The following KIF7 variants were observed in gnomAD, a reference collection of about 807,000 sequenced individuals.
KIF7 encodes kinesin family member 7, also known as kinesin-like protein KIF7.
In KIF7, 104 loss-of-function variants were observed where a neutral mutation model predicts 135.7. The ratio of observed to expected loss-of-function variants is 0.77; its 90% CI spans 0.65 to 0.90. The LOEUF is 0.90. Ranked by LOEUF, KIF7 falls within the 40% of genes least tolerant of loss-of-function variation. The pLI is 0.00. For missense variants in KIF7, 2,005 were observed against 1,839.1 expected (o/e 1.09, Z -1.65); for synonymous variants, 883 against 809.4 (o/e 1.09, Z -1.54).
upstream of KIF7, among the ~76,000 whole-genome samples, chr15:89,657,406 C>A (rs1329660783): frequency 6.6e-6 from 1 of 150,612 alleles, no homozygotes; most frequent in East Asian, 1.9e-4. Flanking sequence ...TTTCATGTTA[C>A]AATAAATTTT....
rs752463302 is a variant in KIF7, at chr15:89,629,098, TCTG to T, written c.3539_3541del (p.Ala1180del). 1.9e-6 allele frequency: 3 copies of T among 1,612,654 alleles called. No homozygotes were observed. Among genetic ancestry groups the T allele is most frequent in the Non-Finnish European group, 2.5e-6 (3 of 1,179,798 alleles). ...CCGGGCCTCATACTGCCTCCTGCTG[TCTG>T]CTAACCCTTCACCGAGGTGGTCTAG... On this transcript the variant is annotated inframe_deletion, in exon 18 of 19. Transcript: ENST00000394412.
downstream of KIF7, chr15:89,625,053 C>G: frequency 6.2e-7 from 1 of 1,614,004 alleles, no homozygotes; most frequent in East Asian, 2.2e-5. Context: ...TAGACCCCAG[C>G]TCTTCATTAG....
chr15:89,644,890 A>C, intron 10 of KIF7, 123 bp downstream of exon 10: 3 of 1,327,110 alleles, frequency 2.3e-6, no homozygotes, highest in Non-Finnish European at 3.2e-6. Flanking sequence ...GCTGAGTATC[A>C]AACCTAGGCC....
intron 11 of KIF7, among the ~76,000 whole-genome samples, chr15:89,638,038 T>G (rs1197865885): frequency 9.5e-6 from 1 of 105,076 alleles, no homozygotes; most frequent in Non-Finnish European, 2.3e-5. Context: ...ATAAATGTAA[T>G]CCAGCATATA....
At chr15:89,634,052 A>C (rs1038425185) in intron 11 of KIF7, among the ~76,000 whole-genome samples, 169 bp from the exon 12 acceptor site, 3 of 152,220 alleles carry the variant, frequency 2.0e-5, no homozygotes, top group Non-Finnish European at 4.4e-5. Flanking sequence ...TAATCCCAGC[A>C]CTTTGAGAGG....
At chr15:89,645,765 A>T in intron 8 of KIF7, 128 bp downstream of exon 8, 4 of 1,314,052 alleles carry the variant, frequency 3.0e-6, no homozygotes, top group Non-Finnish European at 4.1e-6. Flanking sequence ...CCAGGGCAAC[A>T]TGAGGGCATC....
At chr15:89,623,647 T>C (rs771619398), downstream of KIF7, 3 of 1,609,392 alleles carry the variant, frequency 1.9e-6, no homozygotes, top group African/African-American at 1.3e-5. Context: ...TCACCAGAAA[T>C]CTCTGAGCTT....
Position 89,628,759 on chromosome 15 carries a change from T to G in KIF7, c.3692A>C (p.Glu1231Ala). 6.2e-7 allele frequency: 1 copy of G among 1,612,266 alleles called. No individual in the cohort carries two copies. Among genetic ancestry groups the G allele is most frequent in the South Asian group, 1.1e-5 (1 of 91,072 alleles). ...RGGEKRSLCS[E>A]GRQAPGNEDE... The stretch of plus-strand genomic sequence containing the variant: ...TTCATTTCCAGGAGCCTGTCTGCCC[T>G]CCGAGCACAGGCTCCTCTTCTCCCC... Residue 1231 changes from glutamate to alanine, a missense_variant, in exon 19 of 19, where the codon GAG becomes GCG. By Grantham distance (107) the Glu-to-Ala change is moderately radical. Transcript: ENST00000394412.
intron 12 of KIF7, 133 bp from the exon 13 acceptor site, chr15:89,633,399 C>G: frequency 1.6e-6 from 2 of 1,219,746 alleles, no homozygotes; most frequent in Non-Finnish European, 2.3e-6. Context: ...CCAGACCCAT[C>G]CCACACAAAT....
intron 1 of KIF7, among the ~76,000 whole-genome samples, chr15:89,621,982 C>CTTTTTTTT (rs34123859): frequency 3.4e-5 from 3 of 87,776 alleles, no homozygotes; most frequent in Admixed American, 1.3e-4. Flanking sequence ...CAAACTGACT[C>CTTTTTTTT]TTTTTTTTTT....
chr15:89,628,379 G>T lies in KIF7; in HGVS notation c.*40C>A. 6.4e-7 allele frequency: 1 copy of T among 1,568,016 alleles called. No individual in the cohort carries two copies. Among genetic ancestry groups the T allele is most frequent in the Non-Finnish European group, 8.6e-7 (1 of 1,158,838 alleles). ...AACAGGCAGCTGCCCCTTTCAGCAG[G>T]CTCGGAGTCTCCCTCCAAGGCAGGG... On this transcript the variant is annotated 3_prime_UTR_variant, in exon 19 of 19. Coordinates refer to ENST00000394412, the MANE Select transcript of KIF7 (RefSeq NM_198525.3).
chr15:89,660,047 A>C (rs1264979283), upstream of KIF7, among the ~76,000 whole-genome samples: 1 of 152,154 alleles, frequency 6.6e-6, no homozygotes, highest in African/African-American at 2.4e-5. Context: ...AAATACAAAA[A>C]TTTAGCCTGG....
chr15:89,629,281 C>T (rs1439275661), intron 17 of KIF7, 94 bp downstream of exon 17: 37 of 680,156 alleles, frequency 5.4e-5, no homozygotes, highest in South Asian at 1.1e-4. Flanking sequence ...GTGGCAGGGG[C>T]GGTGGGGGGA....
At chr15:89,660,340 A>C (rs1964245577), upstream of KIF7, among the ~76,000 whole-genome samples, 1 of 152,246 alleles carries the variant, frequency 6.6e-6, no homozygotes. Context: ...TAGCCACTCC[A>C]GATGAAAACT....
At chr15:89,654,329 G>GA (rs1165144568) in intron 1 of KIF7, among the ~76,000 whole-genome samples, 1,175 of 11,544 alleles carry the variant, frequency 0.1, 18 homozygotes, top group African/African-American at 0.2. Context: ...AATATTAAGG[G>GA]GAAAAAAAAA....
intron 11 of KIF7, among the ~76,000 whole-genome samples, chr15:89,636,360 T>C (rs1318075336): frequency 2.2e-4 from 30 of 138,456 alleles, no homozygotes; most frequent in African/African-American, 8.2e-4. Flanking sequence ...GACTAAATGC[T>C]CCAATTAAAA....
chr15:89,656,470 C>T (rs1332784504), upstream of KIF7, among the ~76,000 whole-genome samples: 1 of 151,984 alleles, frequency 6.6e-6, no homozygotes, highest in Admixed American at 6.6e-5. Flanking sequence ...TGATTTCCTT[C>T]CCATTCCATG....
chr15:89,633,183 G>A lies in KIF7; in HGVS notation c.2676C>T (p.Arg892=), dbSNP rs2142001297. ...TGACCACAGAGCCGTTGCTGCCACT[G>A]CGCCTCTTCCTCTGGAATGCCGCGA... is the stretch of plus-strand genomic sequence containing the variant. The part of the protein sequence containing the change: ...EEIAAFQRKR[R]SGSNGSVVSL... The change falls in exon 13 of 19, where the codon CGC becomes CGT. Residue 892 remains arginine (R), a synonymous_variant. Coordinates refer to ENST00000394412, the MANE Select transcript of KIF7 (RefSeq NM_198525.3). 1.2e-6 allele frequency: 2 copies of A among 1,605,450 alleles called. No individual in the cohort carries two copies. The highest frequency in any genetic ancestry group is 1.1e-5 in the South Asian group (1 of 90,586).
chr15:89,626,012 G>A (rs746116590), downstream of KIF7: 28 of 1,613,290 alleles, frequency 1.7e-5, no homozygotes, highest in East Asian at 4.2e-4. Context: ...CCCAGTCTCC[G>A]CTGCTGTTCC....
Sources: gnomAD v4.1 joint callset for allele counts (sites outside exome capture counted in the v4.1 genomes callset) on GRCh38, gnomAD v4.1.1 for gene constraint, MANE v1.5 for transcripts, NCBI Gene and HGNC (gene_info 2026-07-23, HGNC 2026-07-21) for gene names.